AEBP2: variants seen among roughly 807,000 people sequenced by gnomAD.
The protein encoded by AEBP2 is zinc finger protein AEBP2.
AEBP2 carries 10 observed loss-of-function variants against 50.8 expected under a neutral mutation model. The ratio of observed to expected loss-of-function variants is 0.20; its 90% CI spans 0.12 to 0.33. The LOEUF is 0.33. AEBP2 is among the 10% of genes least tolerant of loss of function. The probability of loss-of-function intolerance (pLI) is 1.00; values close to 1 mark genes in which losing one functional copy is unlikely to be tolerated. For missense variants in AEBP2, 570 were observed against 688.0 expected, an observed-to-expected ratio of 0.83 and a Z score of 1.92; for synonymous variants, 296 against 261.3, an observed-to-expected ratio of 1.13 and a Z score of -1.28.
At position 19,439,837 on chromosome 12, in the gene AEBP2, A is replaced by G; in HGVS notation, c.138A>G (p.Glu46=). 6.7e-7 allele frequency: 1 copy of G among 1,499,598 alleles called. No homozygotes were observed. Among genetic ancestry groups the G allele is most frequent in the Non-Finnish European group, 8.8e-7 (1 of 1,132,480 alleles). 92.9% of individuals were successfully genotyped at this position (1,499,598 alleles called of 1,614,324 possible). A position where few individuals can be genotyped will look rare whatever the true frequency, so the allele number is the denominator to read the frequency against. ...AGGAGGAGGAAGAGGAGGAGGAGGA[A>G]GAGGAGGCGGAGGCCGAGGCGGTGG... The part of the protein sequence containing the change: ...PEEEEEEEEE[E]EEAEAEAVAA... Residue 46 remains glutamate, a synonymous_variant, in exon 1 of 8, where the codon GAA becomes GAG. Coordinates refer to ENST00000266508, the MANE Select transcript of AEBP2 (RefSeq NM_153207.5).
chr12:19,404,589 A>G (rs1297531824), intron 1 of AEBP2, among the ~76,000 whole-genome samples: 1 of 152,158 alleles, frequency 6.6e-6, no homozygotes, highest in African/African-American at 2.4e-5. Context: ...GAGGCACGCT[A>G]ACACCGGCTC....
At chr12:19,425,983 C>CTG in intron 1 of AEBP2, among the ~76,000 whole-genome samples, 1 of 152,030 alleles carries the variant, frequency 6.6e-6, no homozygotes, top group Non-Finnish European at 1.5e-5. Flanking sequence ...GTTTCCCAGG[C>CTG]TGGAATGCAG....
chr12:19,416,442 G>A (rs1459330456), intron 1 of AEBP2, among the ~76,000 whole-genome samples: 1 of 150,738 alleles, frequency 6.6e-6, no homozygotes, highest in Non-Finnish European at 1.5e-5. Flanking sequence ...TTTCACTCTT[G>A]TCACCCAGGC....
At chr12:19,471,067 T>C (rs542949221) in intron 2 of AEBP2, among the ~76,000 whole-genome samples, 2 of 152,304 alleles carry the variant, frequency 1.3e-5, no homozygotes, top group African/African-American at 4.8e-5. Flanking sequence ...CCCTGATTCC[T>C]CCTCTTTGTT....
intron 1 of AEBP2, among the ~76,000 whole-genome samples, chr12:19,416,345 A>G (rs975307780): frequency 6.6e-6 from 1 of 152,138 alleles, no homozygotes; most frequent in Non-Finnish European, 1.5e-5. Flanking sequence ...TCCATTTCTA[A>G]GTTTTGAGCT....
intron 1 of AEBP2, among the ~76,000 whole-genome samples, chr12:19,421,200 T>C (rs1592706002): frequency 6.6e-6 from 1 of 151,712 alleles, no homozygotes; most frequent in Non-Finnish European, 1.5e-5. Context: ...AAAAATTAGC[T>C]GGGCGTAGTG....
At chr12:19,448,587 T>G (rs998520528) in intron 1 of AEBP2, among the ~76,000 whole-genome samples, 4 of 152,186 alleles carry the variant, frequency 2.6e-5, no homozygotes, top group African/African-American at 9.6e-5. Context: ...CAGTAATTGG[T>G]TGAATTCAAC....
Position 19,521,416 on chromosome 12 carries a change from T to C in AEBP2, c.*3299T>C, listed in dbSNP as rs988656621. On this transcript the variant is annotated 3_prime_UTR_variant, in exon 8 of 8. Coordinates refer to ENST00000266508, the MANE Select transcript of AEBP2 (RefSeq NM_153207.5). ...ATCATTTGTGTTTCTGTATTTATTTTGCTAAGAACTAAATAAGATTTTGTA... is the reference window on the plus strand; with the variant it reads ...ATCATTTGTGTTTCTGTATTTATTTCGCTAAGAACTAAATAAGATTTTGTA... 6.6e-6 allele frequency: 1 copy of C among 152,212 alleles called. No individual in the cohort carries two copies. The highest frequency in any genetic ancestry group is 2.4e-5 in the African/African-American group (1 of 41,462). The allele number at this position is 152,212 out of a possible 1,614,324, so 9.4% of individuals were successfully genotyped here. A position where few individuals can be genotyped will look rare whatever the true frequency, so the allele number is the denominator to read the frequency against.
At chr12:19,418,485 C>T (rs533779760) in intron 1 of AEBP2, among the ~76,000 whole-genome samples, 32 of 147,598 alleles carry the variant, frequency 2.2e-4, no homozygotes, top group African/African-American at 7.7e-4. Flanking sequence ...CTTGCCTTGG[C>T]CAGCTAATAT....
intron 4 of AEBP2, among the ~76,000 whole-genome samples, chr12:19,497,497 A>G (rs117444922): frequency 0.022 from 3,271 of 151,708 alleles, 41 homozygotes; most frequent in East Asian, 0.043. Flanking sequence ...TTTTGAGACA[A>G]GGTCTCACTT....
upstream of AEBP2, among the ~76,000 whole-genome samples, chr12:19,434,706 C>T (rs534581522): frequency 2.6e-5 from 4 of 152,156 alleles, no homozygotes; most frequent in South Asian, 6.2e-4. Context: ...TTCAACACTT[C>T]AGTTATTTAA....
intron 1 of AEBP2, chr12:19,457,190 TTAG>T (rs1948284182): frequency 3.1e-6 from 5 of 1,597,796 alleles, no homozygotes; most frequent in Non-Finnish European, 4.2e-6. Flanking sequence ...ACACCGACAA[TTAG>T]TTGTTTCACA....
intron 4 of AEBP2, among the ~76,000 whole-genome samples, chr12:19,494,542 G>C (rs10770493): frequency 0.53 from 74,202 of 139,826 alleles, 20,726 homozygotes; most frequent in Non-Finnish European, 0.64. Flanking sequence ...CGCTCTGTCA[G>C]CCAGGCCGGA....
rs547821133 is a variant in AEBP2 at position 19,492,845 on chromosome 12, C to T, written c.988-955C>T. Among the ~76,000 whole-genome samples the T allele has an allele frequency of 8.6e-5, 13 of 151,956 alleles. No individual in the cohort carries two copies. In the South Asian group the frequency reaches 1.7e-3, roughly 19 times the overall value. On this transcript the variant is annotated intron_variant, in intron 3 of 7. Coordinates refer to ENST00000266508, the MANE Select transcript of AEBP2 (RefSeq NM_153207.5). ...ACAAAATATTAGTAGAGTGTGGTGG[C>T]GTGTGCCTATAGTACCACCACCTGG...
At chr12:19,440,559 A>C in intron 1 of AEBP2, 189 bp downstream of exon 1, 2 of 1,380,800 alleles carry the variant, frequency 1.4e-6, no homozygotes, top group South Asian at 1.7e-5. Context: ...CGCGGCTTCC[A>C]ACTCTCAAAC....
chr12:19,435,132 C>CTT (rs140447214), upstream of AEBP2, among the ~76,000 whole-genome samples: 7 of 142,948 alleles, frequency 4.9e-5, no homozygotes, highest in Admixed American at 1.4e-4. Flanking sequence ...CCTGTCAGAA[C>CTT]TTTTTTTTTT....
At chr12:19,445,186 C>T (rs1281431339) in intron 1 of AEBP2, among the ~76,000 whole-genome samples, 1 of 150,994 alleles carries the variant, frequency 6.6e-6, no homozygotes, top group Non-Finnish European at 1.5e-5. Flanking sequence ...ATATAGAATC[C>T]ATGTTATGTG....
At chr12:19,436,605 G>T (rs1441449197), upstream of AEBP2, among the ~76,000 whole-genome samples, 1 of 149,640 alleles carries the variant, frequency 6.7e-6, no homozygotes, top group Non-Finnish European at 1.5e-5. Flanking sequence ...TTTGGGGGGG[G>T]GATAAGGTCT....
chr12:19,485,948 C>CTTTTTTTTTTTTT (rs60355570), intron 3 of AEBP2, among the ~76,000 whole-genome samples: 1 of 91,224 alleles, frequency 1.1e-5, no homozygotes, highest in African/African-American at 4.0e-5. Flanking sequence ...TGAGCCTCTG[C>CTTTTTTTTTTTTT]TTTTTTTTTT....
Sources: gnomAD v4.1 joint callset for allele counts (sites outside exome capture counted in the v4.1 genomes callset) on GRCh38, gnomAD v4.1.1 for gene constraint, MANE v1.5 for transcripts, NCBI Gene and HGNC (gene_info 2026-07-23, HGNC 2026-07-21) for gene names.